The following DOCK8 variants were observed in gnomAD, a reference collection of about 807,000 sequenced individuals.
The protein encoded by DOCK8 is dedicator of cytokinesis 8.
In DOCK8, 141 loss-of-function variants were observed where a neutral mutation model predicts 245.6. The ratio of observed to expected loss-of-function variants is 0.57; its 90% CI spans 0.50 to 0.66. The LOEUF (loss-of-function observed/expected upper bound fraction) is 0.66, where lower values mean the gene tolerates loss of function less well. Ranked by LOEUF, DOCK8 falls within the 30% of genes least tolerant of loss-of-function variation. DOCK8 has a pLI of 0.00. For missense variants in DOCK8, 2,965 were observed against 2,603.4 expected, an observed-to-expected ratio of 1.14 and a Z score of -3.02; for synonymous variants, 1,168 against 970.2, an observed-to-expected ratio of 1.20 and a Z score of -3.79.
At chr9:265,662 G>A (rs922541023) in intron 1 of DOCK8, among the ~76,000 whole-genome samples, 10 of 151,964 alleles carry the variant, frequency 6.6e-5, no homozygotes, top group African/African-American at 2.2e-4. Context: ...CATTTTGGCT[G>A]CCGGCCATAC....
chr9:313,847 A>G (rs1255696357), intron 6 of DOCK8, among the ~76,000 whole-genome samples: 1 of 152,264 alleles, frequency 6.6e-6, no homozygotes, highest in Admixed American at 6.5e-5. Flanking sequence ...GCATAGATCA[A>G]AACATTACTT....
intron 45 of DOCK8, among the ~76,000 whole-genome samples, chr9:450,468 G>C (rs10758622): frequency 0.61 from 92,013 of 151,920 alleles, 30,196 homozygotes; most frequent in East Asian, 0.99. Flanking sequence ...TTCTTAGAAC[G>C]CTGACTCCCA....
chr9:427,823 C>T (rs2056556494), intron 34 of DOCK8, among the ~76,000 whole-genome samples: 1 of 152,198 alleles, frequency 6.6e-6, no homozygotes, highest in Admixed American at 6.5e-5. Context: ...CTTGGTATCA[C>T]ATTTACCTTA....
At chr9:214,553 G>A, upstream of DOCK8, 1 of 1,613,656 alleles carries the variant, frequency 6.2e-7, no homozygotes, top group Non-Finnish European at 8.5e-7. Context: ...GCTTTGTGGG[G>A]CTCCCCCGAC....
intron 5 of DOCK8, among the ~76,000 whole-genome samples, chr9:311,306 C>A (rs1167705395): frequency 6.8e-6 from 1 of 148,130 alleles, no homozygotes; most frequent in African/African-American, 2.5e-5. Flanking sequence ...AAAAGGTAAT[C>A]ATACCTCACT....
At chr9:229,282 AT>A (rs969879291) in intron 1 of DOCK8, among the ~76,000 whole-genome samples, 8 of 152,172 alleles carry the variant, frequency 5.3e-5, no homozygotes, top group Admixed American at 2.6e-4. Flanking sequence ...GTATATCACA[AT>A]ACCCATTTTA....
At chr9:298,151 G>T (rs1015224818) in intron 4 of DOCK8, among the ~76,000 whole-genome samples, 1 of 152,212 alleles carries the variant, frequency 6.6e-6, no homozygotes, top group East Asian at 1.9e-4. Flanking sequence ...AGGGCCAGGT[G>T]GGGTAGCTCA....
intron 9 of DOCK8, among the ~76,000 whole-genome samples, chr9:329,878 A>G (rs954487734): frequency 6.6e-6 from 1 of 152,254 alleles, no homozygotes; most frequent in Admixed American, 6.5e-5. Context: ...CAAACATACT[A>G]AAGTGTTTGG....
intron 1 of DOCK8, among the ~76,000 whole-genome samples, chr9:270,531 C>G (rs1333546963): frequency 6.6e-6 from 1 of 152,192 alleles, no homozygotes; most frequent in Non-Finnish European, 1.5e-5. Context: ...AGGTGTAACT[C>G]ATTGCCAAGG....
At chr9:243,645 C>T (rs1197188932) in intron 1 of DOCK8, among the ~76,000 whole-genome samples, 1 of 152,004 alleles carries the variant, frequency 6.6e-6, no homozygotes, top group East Asian at 1.9e-4. Context: ...TCCCAACTGC[C>T]AACCTATGTT....
Position 401,299 on chromosome 9 carries a change from G to C in DOCK8, c.3234+2040G>C, listed in dbSNP as rs181239768. 6.5e-3 allele frequency among the ~76,000 whole-genome samples: 992 copies of C among 152,274 alleles called. 13 individuals are homozygous for C. The highest frequency in any genetic ancestry group is 0.021 in the African/African-American group (857 of 41,522). ...GCTTCATTGAGCAGCACTTGGACAG[G>C]GTTACATAAGAGCGGAAGCCCCTCC... On this transcript the variant is annotated intron_variant, in intron 26 of 47. Transcript: ENST00000432829.
intron 27 of DOCK8, 26 bp from the exon 28 acceptor site, chr9:406,904 T>C (rs1448856615): frequency 6.2e-7 from 1 of 1,614,054 alleles, no homozygotes. Context: ...TTGTGGCTCA[T>C]AAAATGGCTC....
intron 1 of DOCK8, among the ~76,000 whole-genome samples, chr9:236,371 A>G (rs2047249273): frequency 6.6e-6 from 1 of 152,232 alleles, no homozygotes; most frequent in Non-Finnish European, 1.5e-5. Flanking sequence ...AGCTTTGTCT[A>G]CAAGGGAGAT....
intron 8 of DOCK8, 97 bp downstream of exon 8, chr9:325,834 A>G: frequency 8.5e-7 from 1 of 1,171,106 alleles, no homozygotes; most frequent in East Asian, 2.4e-5. Context: ...AGAACCTATC[A>G]GATTTGAAAG....
At chr9:349,136 C>T (rs768216553) in intron 14 of DOCK8, among the ~76,000 whole-genome samples, 9 of 152,082 alleles carry the variant, frequency 5.9e-5, no homozygotes, top group Non-Finnish European at 1.3e-4. Flanking sequence ...GCAGGTAAAC[C>T]CCACAGTACA....
chr9:312,454 T>A, intron 6 of DOCK8: 1 of 544,372 alleles, frequency 1.8e-6, no homozygotes, highest in Non-Finnish European at 3.5e-6. Context: ...GTTTCAAGGG[T>A]CTACATGTAG....
chr9:400,788 CCAT>C (rs1270107905), intron 26 of DOCK8, among the ~76,000 whole-genome samples: 3 of 78,218 alleles, frequency 3.8e-5, no homozygotes, highest in Non-Finnish European at 7.4e-5. Flanking sequence ...ACCACCTCCA[CCAT>C]CACCACCACC....
intron 46 of DOCK8, among the ~76,000 whole-genome samples, chr9:462,629 A>G (rs1265817510): frequency 6.6e-6 from 1 of 152,170 alleles, no homozygotes; most frequent in African/African-American, 2.4e-5. Context: ...GGGCAGTCCT[A>G]CTGACAGCTG....
At chr9:241,966 G>A (rs1179126198) in intron 1 of DOCK8, among the ~76,000 whole-genome samples, 3 of 152,132 alleles carry the variant, frequency 2.0e-5, no homozygotes, top group Admixed American at 2.0e-4. Context: ...GCAAAATTAG[G>A]TATCAACTGT....
Sources: gnomAD v4.1 joint callset for allele counts (sites outside exome capture counted in the v4.1 genomes callset) on GRCh38, gnomAD v4.1.1 for gene constraint, MANE v1.5 for transcripts, NCBI Gene and HGNC (gene_info 2026-07-23, HGNC 2026-07-21) for gene names.